GTF2H5: variants seen among roughly 807,000 people sequenced by gnomAD.
GTF2H5 encodes general transcription factor IIH subunit 5, also known as TFB5 ortholog.
GTF2H5 carries 5 observed loss-of-function variants against 7.1 expected under a neutral mutation model. The ratio of observed to expected loss-of-function variants is 0.71; its 90% CI spans 0.37 to 1.49. The LOEUF (loss-of-function observed/expected upper bound fraction) is 1.49, where lower values mean the gene tolerates loss of function less well. Among genes scored for constraint, GTF2H5 ranks in the 40% most tolerant of loss-of-function variants. The probability of loss-of-function intolerance (pLI) is 0.03; values close to 1 mark genes in which losing one functional copy is unlikely to be tolerated. For missense variants in GTF2H5, 80 were observed against 83.0 expected, an observed-to-expected ratio of 0.96 and a Z score of 0.14; for synonymous variants, 30 against 31.7, an observed-to-expected ratio of 0.95 and a Z score of 0.18.
At chr6:158,178,994 C>G (rs775065901) in intron 2 of GTF2H5, among the ~76,000 whole-genome samples, 1 of 152,124 alleles carries the variant, frequency 6.6e-6, no homozygotes, top group Non-Finnish European at 1.5e-5. Context: ...ATGTTTAAGT[C>G]TTTGATCCAT....
chr6:158,183,356 G>A (rs1032546778), intron 2 of GTF2H5, among the ~76,000 whole-genome samples: 5 of 152,232 alleles, frequency 3.3e-5, no homozygotes, highest in African/African-American at 1.2e-4. Flanking sequence ...ATTTGAAGAG[G>A]CAGTCTATCC....
intron 1 of GTF2H5, among the ~76,000 whole-genome samples, chr6:158,169,147 TCG>T (rs1463402191): frequency 2.7e-5 from 4 of 149,366 alleles, no homozygotes; most frequent in African/African-American, 9.9e-5. Flanking sequence ...GGCAGGAGAA[TCG>T]CTTGAGCCCG....
At chr6:158,169,488 T>TGTATACTATATATAATATAC (rs1562468305) in intron 1 of GTF2H5, among the ~76,000 whole-genome samples, 1 of 57,024 alleles carries the variant, frequency 1.8e-5, no homozygotes, top group African/African-American at 8.6e-5. Flanking sequence ...ATATAATATA[T>TGTATACTATATATAATATAC]TGTATATTAT....
rs1313610666 is a variant in GTF2H5, at chr6:158,193,975, G to A, written c.*1818G>A. 7.3e-5 allele frequency: 10 copies of A among 137,100 alleles called. No individual in the cohort carries two copies. Among genetic ancestry groups the A allele is most frequent in the African/African-American group, 2.6e-4 (9 of 33,988 alleles). The allele number at this position is 137,100 out of a possible 1,614,324, so 8.5% of individuals were successfully genotyped here. A position where few individuals can be genotyped will look rare whatever the true frequency, so the allele number is the denominator to read the frequency against. On this transcript the variant is annotated 3_prime_UTR_variant, in exon 3 of 3. Coordinates refer to ENST00000607778, the MANE Select transcript of GTF2H5 (RefSeq NM_207118.3). ...CTGCACTCCAGCCTGGGCGACAGAG[G>A]GAGACTCCATCTCAAAAAAAAAAAA...
chr6:158,169,590 A>G (rs1297826550), intron 1 of GTF2H5, among the ~76,000 whole-genome samples: 1 of 87,984 alleles, frequency 1.1e-5, no homozygotes, highest in East Asian at 3.9e-4. Context: ...TATATAATAT[A>G]TTGTATATTA....
In GTF2H5 at chr6:158,194,699, T is replaced by C. The variant is rs965818334; in HGVS notation, c.*2542T>C. ...GGTGGGTAAGGAGTCCTTGATGTCC[T>C]GTAAATGAAGGAACCAAATGGAGTT... On this transcript the variant is annotated 3_prime_UTR_variant, in exon 3 of 3. Transcript: ENST00000607778. 2.9e-4 allele frequency: 44 copies of C among 152,296 alleles called. No homozygotes were observed. Among genetic ancestry groups the C allele is most frequent in the African/African-American group, 1.0e-3 (42 of 41,560 alleles). The allele number at this position is 152,296 out of a possible 1,614,324, so 9.4% of individuals were successfully genotyped here.
At chr6:158,186,405 T>A (rs753500496) in intron 2 of GTF2H5, among the ~76,000 whole-genome samples, 25 of 152,228 alleles carry the variant, frequency 1.6e-4, no homozygotes, top group Non-Finnish European at 2.9e-4. Context: ...ATTGGTGTCA[T>A]CTGAATGTAC....
At chr6:158,187,955 ATGGCCTGAACTAG>A (rs1776957899) in intron 2 of GTF2H5, among the ~76,000 whole-genome samples, 2 of 152,286 alleles carry the variant, frequency 1.3e-5, no homozygotes, top group Admixed American at 1.3e-4. Context: ...CATTCCCATC[ATGGCCTGAACTAG>A]TTTTTCAGGT....
At chr6:158,176,858 G>A (rs1342771741) in intron 2 of GTF2H5, among the ~76,000 whole-genome samples, 1 of 152,206 alleles carries the variant, frequency 6.6e-6, no homozygotes, top group African/African-American at 2.4e-5. Context: ...AAAGGGATGG[G>A]CCAAAATAAA....
rs34665520 is a variant in GTF2H5, at chr6:158,193,988, C to CAAAAAA, written c.*1847_*1852dup. The stretch of plus-strand genomic sequence containing the variant: ...TGGGCGACAGAGGGAGACTCCATCT[C>CAAAAAA]AAAAAAAAAAAAAAAAAAAAATGAA... On this transcript the variant is annotated 3_prime_UTR_variant, in exon 3 of 3. Transcript: ENST00000607778. The CAAAAAA allele has an allele frequency of 5.4e-5, 4 of 74,572 alleles. No individual in the cohort carries two copies. Among genetic ancestry groups the CAAAAAA allele is most frequent in the Non-Finnish European group, 8.3e-5 (3 of 35,976 alleles). The allele number at this position is 74,572 out of a possible 1,614,324, so 4.6% of individuals were successfully genotyped here.
intron 1 of GTF2H5, among the ~76,000 whole-genome samples, chr6:158,169,721 A>G (rs374101971): frequency 1.3e-5 from 1 of 76,176 alleles, no homozygotes; most frequent in Non-Finnish European, 2.4e-5. Flanking sequence ...ATTATATATT[A>G]TATAATATAT....
intron 2 of GTF2H5, among the ~76,000 whole-genome samples, chr6:158,189,148 CT>C (rs1463539128): frequency 6.6e-6 from 1 of 151,972 alleles, no homozygotes; most frequent in South Asian, 2.1e-4. Flanking sequence ...CAGGTGGTGC[CT>C]TTTTTCCTCT....
chr6:158,170,287 AG>A (rs1300787062), intron 1 of GTF2H5, among the ~76,000 whole-genome samples, 182 bp from the exon 2 acceptor site: 1 of 152,284 alleles, frequency 6.6e-6, no homozygotes, highest in African/African-American at 2.4e-5. Context: ...TAATATTCCA[AG>A]TAGACTCATT....
In GTF2H5 at chr6:158,190,806, T is replaced by G; in HGVS notation, c.36-1171T>G. On this transcript the variant is annotated intron_variant, in intron 2 of 2. Coordinates refer to ENST00000607778, the MANE Select transcript of GTF2H5 (RefSeq NM_207118.3). ...ATTTTTTTCTCAAGAATTGCAAAAA[T>G]CTGTGGTGCAGCTTGACATTTTTAT... 3 of 388,642 alleles carry G rather than the reference T, an allele frequency of 7.7e-6. 1 individual carries two copies. Among genetic ancestry groups the G allele is most frequent in the South Asian group, 5.8e-5 (3 of 51,674 alleles). 24.1% of individuals were successfully genotyped at this position (388,642 alleles called of 1,614,324 possible).
chr6:158,185,009 T>C (rs1371187373), intron 2 of GTF2H5, among the ~76,000 whole-genome samples: 1 of 152,148 alleles, frequency 6.6e-6, no homozygotes, highest in Non-Finnish European at 1.5e-5. Context: ...ACTTCAAGTA[T>C]GTATATATGC....
chr6:158,179,029 G>A (rs1562472831), intron 2 of GTF2H5, among the ~76,000 whole-genome samples: 1 of 152,292 alleles, frequency 6.6e-6, no homozygotes, highest in East Asian at 1.9e-4. Context: ...TGTATAAGGT[G>A]TAAGGAAAGG....
rs922918194 is a variant in GTF2H5 at position 158,192,126 on chromosome 6, A to AC, written c.187dup (p.Gln63ProfsTer35). On this transcript the variant is annotated frameshift_variant, in exon 3 of 3. Transcript: ENST00000607778. LOFTEE classifies it high-confidence loss of function. ...CAGGAGCGAGTGGGTGAATTAATGG[A>AC]CCAAAATGCTTTTTCCCTTACCCAG... The AC allele has an allele frequency of 8.7e-6, 14 of 1,613,418 alleles. No homozygotes were observed. Among genetic ancestry groups the AC allele is most frequent in the Non-Finnish European group, 1.2e-5 (14 of 1,179,920 alleles).
At chr6:158,174,019 G>A (rs1239126651) in intron 2 of GTF2H5, among the ~76,000 whole-genome samples, 2 of 152,096 alleles carry the variant, frequency 1.3e-5, no homozygotes, top group African/African-American at 2.4e-5. Context: ...TTTAGCGTGC[G>A]CATGCATTAT....
At position 158,193,316 on chromosome 6, in the gene GTF2H5, T is replaced by C. The variant is rs753639221; in HGVS notation, c.*1159T>C. 7.9e-5 allele frequency: 12 copies of C among 152,146 alleles called. No individual in the cohort carries two copies. Among genetic ancestry groups the C allele is most frequent in the Admixed American group, 1.3e-4 (2 of 15,264 alleles). The allele number at this position is 152,146 out of a possible 1,614,324, so 9.4% of individuals were successfully genotyped here. A position where few individuals can be genotyped will look rare whatever the true frequency, so the allele number is the denominator to read the frequency against. On this transcript the variant is annotated 3_prime_UTR_variant, in exon 3 of 3. Coordinates refer to ENST00000607778, the MANE Select transcript of GTF2H5 (RefSeq NM_207118.3). ...AAGTGTATATGTATGTGTGTATATA[T>C]AGCAAGAGAGAGTTCTGTGATCAAT... is the stretch of plus-strand genomic sequence containing the variant.
Sources: allele counts gnomAD v4.1 joint callset (sites outside exome capture counted in the v4.1 genomes callset), GRCh38; gene constraint gnomAD v4.1.1; transcripts MANE v1.5; gene names NCBI Gene and HGNC (gene_info 2026-07-23, HGNC 2026-07-21).